The following CFAP44 variants were observed in gnomAD, a reference collection of about 807,000 sequenced individuals.
CFAP44 encodes cilia- and flagella-associated protein 44.
In CFAP44, 134 loss-of-function variants were observed where a neutral mutation model predicts 216.2. The ratio of observed to expected loss-of-function variants is 0.62; its 90% CI spans 0.54 to 0.72. The LOEUF is 0.72. Among genes scored for constraint, CFAP44 ranks in the 30% least tolerant of loss-of-function variants. The pLI, the probability that CFAP44 is intolerant of heterozygous loss-of-function variation, is 0.00. For missense variants in CFAP44, 2,035 were observed against 2,182.1 expected, an observed-to-expected ratio of 0.93 and a Z score of 1.34; for synonymous variants, 700 against 727.6, an observed-to-expected ratio of 0.96 and a Z score of 0.61.
chr3:113,347,532 C>A (rs1384691969), intron 22 of CFAP44, among the ~76,000 whole-genome samples: 1 of 152,168 alleles, frequency 6.6e-6, no homozygotes, highest in East Asian at 1.9e-4. Flanking sequence ...ATAATGATTT[C>A]TAGTATAAAC....
intron 15 of CFAP44, among the ~76,000 whole-genome samples, chr3:113,389,025 A>T (rs1933725971): frequency 6.6e-6 from 1 of 152,222 alleles, no homozygotes; most frequent in Non-Finnish European, 1.5e-5. Flanking sequence ...GACCAAATTG[A>T]CCTAATAGAT....
chr3:113,341,885 A>G lies in CFAP44; in HGVS notation c.3296T>C (p.Ile1099Thr), dbSNP rs1434718016. The G allele has an allele frequency of 2.6e-6, 4 of 1,530,692 alleles. No homozygotes were observed. The highest frequency in any genetic ancestry group is 1.4e-5 in the African/African-American group (1 of 72,576). The allele number at this position is 1,530,692 out of a possible 1,614,324, so 94.8% of individuals were successfully genotyped here. A position where few individuals can be genotyped will look rare whatever the true frequency, so the allele number is the denominator to read the frequency against. ...AGGCCGAAATTTCTTCCCTTTTTCT[A>G]TTATTGATTCTTCTTGTATGGTAAC... ...GSVTIQEESI[I>T]EKGKKFRPKT... The change falls in exon 24 of 35, where the codon ATA becomes ACA. Residue 1099 changes from isoleucine (I) to threonine (T), a missense_variant. This residue lies in a region of CFAP44 where 1,883 missense variants were observed against 2,023.7 expected (regional missense o/e 0.93). Transcript: ENST00000393845.
intron 34 of CFAP44, 130 bp from the exon 35 acceptor site, chr3:113,291,878 G>T: frequency 1.9e-6 from 2 of 1,025,968 alleles, no homozygotes; most frequent in South Asian, 4.0e-5. Flanking sequence ...CCTTAATCTC[G>T]GGAGCCTTCA....
At position 113,364,779 on chromosome 3, in the gene CFAP44, T is replaced by G. The variant is rs187143836; in HGVS notation, c.2716-1247A>C. ...GGATAGTGTATACAATACTGAAGAC[T>G]GGGCATCACCTTCAGAGATTCTAAT... On this transcript the variant is annotated intron_variant, in intron 19 of 34. Coordinates refer to ENST00000393845, the MANE Select transcript of CFAP44 (RefSeq NM_001164496.2). 1.4e-3 allele frequency among the ~76,000 whole-genome samples: 210 copies of G among 152,298 alleles called. 1 individual carries two copies. Among genetic ancestry groups the G allele is most frequent in the Non-Finnish European group, 2.5e-3 (167 of 67,992 alleles).
At chr3:113,391,817 G>A (rs1261478565) in intron 15 of CFAP44, among the ~76,000 whole-genome samples, 1 of 152,072 alleles carries the variant, frequency 6.6e-6, no homozygotes, top group Non-Finnish European at 1.5e-5. Context: ...TCAACATCAC[G>A]AATCATCAGA....
chr3:113,359,331 G>C (rs2107309078), intron 21 of CFAP44, among the ~76,000 whole-genome samples: 1 of 152,246 alleles, frequency 6.6e-6, no homozygotes, highest in South Asian at 2.1e-4. Context: ...CCTTCACAAA[G>C]GGCTCCACTT....
chr3:113,362,012 C>G (rs1042121230), intron 21 of CFAP44, among the ~76,000 whole-genome samples: 2 of 151,654 alleles, frequency 1.3e-5, no homozygotes, highest in African/African-American at 2.4e-5. Flanking sequence ...ACTGAAGGTT[C>G]CTCAAGGATA....
Position 113,326,508 on chromosome 3 carries a change from G to C in CFAP44, c.4453C>G (p.Leu1485Val), listed in dbSNP as rs1437292713. The C allele has an allele frequency of 2.0e-6, 3 of 1,531,674 alleles. No individual in the cohort carries two copies. The highest frequency in any genetic ancestry group is 2.5e-5 in the East Asian group (1 of 40,658). The allele number at this position is 1,531,674 out of a possible 1,614,324, so 94.9% of individuals were successfully genotyped here. A position where few individuals can be genotyped will look rare whatever the true frequency, so the allele number is the denominator to read the frequency against. ...ATCTTCTTCTTTAGGACCTTCATGAGGAAGTTTGCAAATTTATTGTTTTCT... is the reference window on the plus strand; with the variant it reads ...ATCTTCTTCTTTAGGACCTTCATGACGAAGTTTGCAAATTTATTGTTTTCT... ...IGENNKFANFLMKVLKKKIKR... is the reference protein window; with the variant it reads ...IGENNKFANFVMKVLKKKIKR... Residue 1485 changes from leucine (L) to valine (V), a missense_variant, in exon 28 of 35, where the codon CTC becomes GTC. By Grantham distance (32) the Leu-to-Val change is conservative. Coordinates refer to ENST00000393845, the MANE Select transcript of CFAP44 (RefSeq NM_001164496.2).
chr3:113,294,405 C>T (rs935808215), intron 34 of CFAP44: 1 of 381,276 alleles, frequency 2.6e-6, no homozygotes, highest in Non-Finnish European at 4.7e-6. Context: ...TGTCGTTATT[C>T]ATACCTAAGT....
chr3:113,330,624 A>G lies in CFAP44; in HGVS notation c.3660T>C (p.Leu1220=). Residue 1220 remains leucine, a synonymous_variant, in exon 26 of 35, where the codon CTT becomes CTC. Coordinates refer to ENST00000393845, the MANE Select transcript of CFAP44 (RefSeq NM_001164496.2). ...KRHMNKCILS[L]RDLKVAVVEE... is the part of the protein sequence containing the mutation. ...CAACAACAGCCACTTTAAGGTCTCT[A>G]AGAGAGAGAATGCACTTGTTCATGT... 2 of 1,536,498 alleles carry G rather than the reference A, an allele frequency of 1.3e-6. No homozygotes were observed. The highest frequency in any genetic ancestry group is 2.4e-5 in the South Asian group (2 of 83,644).
At chr3:113,341,990 C>T in intron 23 of CFAP44, 72 bp from the exon 24 acceptor site, 1 of 1,422,748 alleles carries the variant, frequency 7.0e-7, no homozygotes. Flanking sequence ...TGTTTTTAAC[C>T]TGCTGCATTA....
At chr3:113,390,387 A>G (rs1339665532) in intron 15 of CFAP44, among the ~76,000 whole-genome samples, 1 of 152,180 alleles carries the variant, frequency 6.6e-6, no homozygotes, top group African/African-American at 2.4e-5. Context: ...TATAGCTAGT[A>G]TCATACTGAA....
At chr3:113,305,906 T>C (rs925652402) in intron 30 of CFAP44, among the ~76,000 whole-genome samples, 9 of 152,196 alleles carry the variant, frequency 5.9e-5, no homozygotes, top group African/African-American at 2.2e-4. Context: ...AGTTCATAAA[T>C]ACAATTTATA....
intron 28 of CFAP44, among the ~76,000 whole-genome samples, chr3:113,324,778 C>T (rs1228251896): frequency 1.3e-5 from 2 of 152,084 alleles, no homozygotes; most frequent in Non-Finnish European, 2.9e-5. Context: ...AATAAAACTG[C>T]CTATATTTGC....
At position 113,400,008 on chromosome 3, in the gene CFAP44, A is replaced by G. The variant is rs1360467859; in HGVS notation, c.1475-8T>C. The G allele has an allele frequency of 6.5e-7, 1 of 1,537,288 alleles. No individual in the cohort carries two copies. The highest frequency in any genetic ancestry group is 8.7e-7 in the Non-Finnish European group (1 of 1,148,022). ...CATAGATTCGAACAGAGCCTATAGAAAGACAGTTTTAAAAGAAAAAAAATT... is the reference window on the plus strand; with the variant it reads ...CATAGATTCGAACAGAGCCTATAGAGAGACAGTTTTAAAAGAAAAAAAATT... On this transcript the variant is annotated splice_polypyrimidine_tract_variant and splice_region_variant and intron_variant, in intron 12 of 34. Coordinates refer to ENST00000393845, the MANE Select transcript of CFAP44 (RefSeq NM_001164496.2).
intron 13 of CFAP44, among the ~76,000 whole-genome samples, chr3:113,397,520 A>G (rs1481359848): frequency 6.6e-6 from 1 of 152,220 alleles, no homozygotes; most frequent in African/African-American, 2.4e-5. Context: ...TCATTTTAAA[A>G]TGACATCCTA....
At position 113,420,107 on chromosome 3, in the gene CFAP44, T is replaced by C; in HGVS notation, c.480A>G (p.Ile160Met). The C allele has an allele frequency of 1.2e-6, 2 of 1,614,028 alleles. No homozygotes were observed. Among genetic ancestry groups the C allele is most frequent in the Non-Finnish European group, 1.7e-6 (2 of 1,179,942 alleles). The change falls in exon 5 of 35, where the codon ATA becomes ATG. Residue 160 changes from isoleucine to methionine, a missense_variant. Around this residue, in one of 3 missense-constraint regions of CFAP44, gnomAD observed 1,883 missense variants for 2,023.7 expected, o/e 0.93. Coordinates refer to ENST00000393845, the MANE Select transcript of CFAP44 (RefSeq NM_001164496.2). ...QLLDDSIAIY[I>M]AGNQLIFLNL... Reference sequence around the variant, plus strand: ...TCAGAAAGATCAGTTGGTTCCCAGCTATGTATATGGCGATACTGTCGTCCA... The same window carrying C: ...TCAGAAAGATCAGTTGGTTCCCAGCCATGTATATGGCGATACTGTCGTCCA...
intron 15 of CFAP44, among the ~76,000 whole-genome samples, chr3:113,389,763 G>C (rs1417215307): frequency 6.6e-6 from 1 of 151,960 alleles, no homozygotes; most frequent in East Asian, 1.9e-4. Flanking sequence ...TGAAGAAATA[G>C]TAAAATTCCT....
At chr3:113,341,640 G>C in intron 24 of CFAP44, 104 bp downstream of exon 24, 1 of 1,208,026 alleles carries the variant, frequency 8.3e-7, no homozygotes, top group Non-Finnish European at 1.1e-6. Flanking sequence ...TTTCACTTTT[G>C]ATTTTAAATG....
Sources: allele counts gnomAD v4.1 joint callset (sites outside exome capture counted in the v4.1 genomes callset), GRCh38; gene constraint gnomAD v4.1.1; regional missense constraint gnomAD v4.1.1; transcripts MANE v1.5; gene names NCBI Gene and HGNC (gene_info 2026-07-23, HGNC 2026-07-21).